The following BCORL1 variants were observed in gnomAD, a reference collection of about 807,000 sequenced individuals.
BCORL1 encodes BCL-6 corepressor-like protein 1.
In BCORL1, 7 loss-of-function variants were observed where a neutral mutation model predicts 87.6. The ratio of observed to expected loss-of-function variants is 0.08; its 90% CI spans 0.05 to 0.15. The LOEUF (loss-of-function observed/expected upper bound fraction) is 0.15. Ranked by LOEUF, BCORL1 falls within the 10% of genes least tolerant of loss-of-function variation. The pLI, the probability that BCORL1 is intolerant of heterozygous loss-of-function variation, is 1.00. For missense variants in BCORL1, 1,215 were observed against 1,499.7 expected, an observed-to-expected ratio of 0.81 and a Z score of 3.13; for synonymous variants, 591 against 634.4, an observed-to-expected ratio of 0.93 and a Z score of 1.03.
At chrX:129,997,318 T>TCC (rs1254015643) in intron 1 of BCORL1, among the ~76,000 whole-genome samples, 2 of 111,384 alleles carry the variant, frequency 1.8e-5, no homozygotes, top group African/African-American at 3.3e-5. Context: ...TATTTCAGGT[T>TCC]CCCCTATTTC....
chrX:130,003,374 C>CT (rs59574323), intron 1 of BCORL1, among the ~76,000 whole-genome samples: 1,217 of 91,453 alleles, frequency 0.013, 8 homozygotes, highest in Middle Eastern at 0.047. Flanking sequence ...TCTTCTTCTT[C>CT]TTTTTTTTTT....
At chrX:130,037,078 A>G (rs1020063107) in intron 9 of BCORL1, among the ~76,000 whole-genome samples, 18 of 111,204 alleles carry the variant, frequency 1.6e-4, no homozygotes, top group Non-Finnish European at 2.6e-4. Flanking sequence ...CCTGGGAGGC[A>G]GAGGCTGCAG....
chrX:130,053,805 C>G (rs997295381), intron 13 of BCORL1, among the ~76,000 whole-genome samples: 1 of 112,094 alleles, frequency 8.9e-6, no homozygotes, highest in African/African-American at 3.2e-5. Context: ...TCTGAATCAC[C>G]AAAGCAAGAC....
chrX:129,988,717 C>T (rs777191659), intron 1 of BCORL1, among the ~76,000 whole-genome samples: 2 of 111,478 alleles, frequency 1.8e-5, no homozygotes, highest in Non-Finnish European at 3.8e-5. Flanking sequence ...GCTTCTTTAC[C>T]GTGGGTCTGC....
Position 130,015,904 on chromosome X carries a change from G to A in BCORL1, c.3132G>A (p.Val1044=), listed in dbSNP as rs1031117646. The A allele has an allele frequency of 2.5e-6, 3 of 1,210,126 alleles. No homozygotes were observed. In the Admixed American group the frequency reaches 6.6e-5, roughly 26 times the overall value. ...STERPQLGSQ[V]DLGRVKMEKV... The stretch of plus-strand genomic sequence containing the variant: ...AGCGCCCACAGCTTGGAAGCCAGGT[G>A]GATCTGGGGCGAGTGAAAATGGAGA... The change falls in exon 4 of 14, where the codon GTG becomes GTA. Residue 1044 remains valine (V), a synonymous_variant. Coordinates refer to ENST00000540052, the MANE Select transcript of BCORL1 (RefSeq NM_001379451.1).
intron 1 of BCORL1, among the ~76,000 whole-genome samples, chrX:129,993,239 G>A (rs1927319364): frequency 8.9e-6 from 1 of 112,288 alleles, no homozygotes; most frequent in East Asian, 2.8e-4. Flanking sequence ...TGTAGCTAGA[G>A]CCGAGGTTTA....
At chrX:130,006,906 T>G (rs1928556450) in intron 2 of BCORL1, among the ~76,000 whole-genome samples, 1 of 112,157 alleles carries the variant, frequency 8.9e-6, no homozygotes, top group Non-Finnish European at 1.9e-5. Flanking sequence ...TGCTCCTTCA[T>G]GCTTGCTGGT....
intron 7 of BCORL1, 62 bp from the exon 8 acceptor site, chrX:130,028,573 G>C: frequency 1.0e-6 from 1 of 987,557 alleles, no homozygotes; most frequent in Non-Finnish European, 1.4e-6. Flanking sequence ...CTTAGAGGAA[G>C]GCGTTGCTTT....
In BCORL1 at chrX:130,015,536, G is replaced by A. The variant is rs750128792; in HGVS notation, c.2764G>A (p.Val922Ile). The A allele has an allele frequency of 3.3e-6, 4 of 1,212,216 alleles. No homozygotes were observed. The highest frequency in any genetic ancestry group is 3.5e-5 in the South Asian group (2 of 57,030). Residue 922 changes from valine to isoleucine, a missense_variant, in exon 4 of 14, where the codon GTC becomes ATC. Val to Ile is a conservative substitution (Grantham distance 29). Around this residue, in one of 5 missense-constraint regions of BCORL1, gnomAD observed 861 missense variants for 1,010.0 expected, o/e 0.85. Transcript: ENST00000540052. ...GCCTTATGAAGAACAAGTCAATCCTGTCCTCTTGACCCTCAGCCCTCAGAC... is the reference window on the plus strand; with the variant it reads ...GCCTTATGAAGAACAAGTCAATCCTATCCTCTTGACCCTCAGCCCTCAGAC... The part of the protein sequence containing the change: ...AKPYEEQVNP[V>I]LLTLSPQTGT...
At chrX:130,051,123 T>G (rs749728648) in intron 12 of BCORL1, among the ~76,000 whole-genome samples, 1 of 112,235 alleles carries the variant, frequency 8.9e-6, no homozygotes, top group East Asian at 2.8e-4. Context: ...ATTCCAGTAT[T>G]GCTCACACTC....
intron 1 of BCORL1, among the ~76,000 whole-genome samples, chrX:129,986,589 C>G (rs192853582): frequency 1.3e-4 from 15 of 111,847 alleles, no homozygotes; most frequent in African/African-American, 4.9e-4. Context: ...GAGGCCAAGG[C>G]AGGCAGATCA....
At chrX:130,051,742 C>A in intron 12 of BCORL1, 118 bp from the exon 13 acceptor site, 1 of 717,734 alleles carries the variant, frequency 1.4e-6, no homozygotes, top group Non-Finnish European at 2.0e-6. Context: ...GGCCTGTGGC[C>A]TTGTCATTTA....
chrX:130,003,352 C>CCTTCTTCTT lies in BCORL1; in HGVS notation c.-44-1820_-44-1812dup, dbSNP rs756573324. Among the ~76,000 whole-genome samples, 765 of 103,933 alleles carry CCTTCTTCTT rather than the reference C, an allele frequency of 7.4e-3. 11 individuals carry two copies. Among genetic ancestry groups the CCTTCTTCTT allele is most frequent in the African/African-American group, 0.028 (723 of 25,841 alleles). The allele number at this position is 103,933 out of a possible 115,157, so 90.3% of individuals were successfully genotyped here. A position where few individuals can be genotyped will look rare whatever the true frequency, so the allele number is the denominator to read the frequency against. On this transcript the variant is annotated intron_variant, in intron 1 of 13. Transcript: ENST00000540052. ...TGTTGTATTATCTCCTCCTCCTCCT[C>CCTTCTTCTT]CTTCTTCTTCTTCTTCTTCTTCTTT...
rs1932460655 is a variant in BCORL1, at chrX:130,057,494, T to C, written c.*1358T>C. Reference sequence around the variant, plus strand: ...CCACTCTTATTTTTCTACCAATTGCTATTTTTCCGAACAATCCTTGTAGAG... The same window carrying C: ...CCACTCTTATTTTTCTACCAATTGCCATTTTTCCGAACAATCCTTGTAGAG... On this transcript the variant is annotated 3_prime_UTR_variant, in exon 14 of 14. Transcript: ENST00000540052. 1 of 112,037 alleles carries C rather than the reference T, an allele frequency of 8.9e-6. No homozygotes were observed. Among genetic ancestry groups the C allele is most frequent in the Admixed American group, 9.5e-5 (1 of 10,517 alleles). 9.2% of individuals were successfully genotyped at this position (112,037 alleles called of 1,213,427 possible). A position where few individuals can be genotyped will look rare whatever the true frequency, so the allele number is the denominator to read the frequency against.
At chrX:130,005,124 T>A (rs1246187621) in intron 1 of BCORL1, 64 bp from the exon 2 acceptor site, 2 of 632,589 alleles carry the variant, frequency 3.2e-6, no homozygotes, top group African/African-American at 4.4e-5. Context: ...CATTGCTGTG[T>A]AAAAGGTGAT....
intron 6 of BCORL1, 140 bp downstream of exon 6, chrX:130,023,117 A>C: frequency 3.9e-6 from 2 of 515,175 alleles, no homozygotes; most frequent in Non-Finnish European, 6.6e-6. Flanking sequence ...AGCTCCTTGC[A>C]GAGATAAGAG....
rs1057522774 is a variant in BCORL1, at chrX:130,015,675, C to T, written c.2903C>T (p.Pro968Leu). 1 of 1,211,833 alleles carries T rather than the reference C, an allele frequency of 8.3e-7. No individual in the cohort carries two copies. Among genetic ancestry groups the T allele is most frequent in the Non-Finnish European group, 1.1e-6 (1 of 895,538 alleles). ...CSDSTPKMEG[P>L]QGACGLKLAG... ...GACAGCACTCCTAAGATGGAAGGCCCCCAGGGGGCTTGTGGCCTGAAGCTG... is the reference window on the plus strand; with the variant it reads ...GACAGCACTCCTAAGATGGAAGGCCTCCAGGGGGCTTGTGGCCTGAAGCTG... Residue 968 changes from proline (P) to leucine (L), a missense_variant, in exon 4 of 14, where the codon CCC becomes CTC. Pro to Leu is a moderately conservative substitution (Grantham distance 98). Transcript: ENST00000540052.
intron 1 of BCORL1, among the ~76,000 whole-genome samples, chrX:129,987,109 G>A (rs1603056912): frequency 8.9e-6 from 1 of 111,880 alleles, no homozygotes; most frequent in East Asian, 2.8e-4. Flanking sequence ...GAAATCTCTA[G>A]GACAATGTTT....
chrX:130,035,246 T>G (rs1930866651), intron 9 of BCORL1, among the ~76,000 whole-genome samples: 1 of 112,032 alleles, frequency 8.9e-6, no homozygotes, highest in Non-Finnish European at 1.9e-5. Context: ...TATCCCCATT[T>G]TATAGGTGAG....
Sources: allele counts gnomAD v4.1 joint callset (sites outside exome capture counted in the v4.1 genomes callset), GRCh38; gene constraint gnomAD v4.1.1; regional missense constraint gnomAD v4.1.1; transcripts MANE v1.5; gene names NCBI Gene and HGNC (gene_info 2026-07-23, HGNC 2026-07-21).